Variants in XKR4 observed in about 807,000 individuals in gnomAD.
XKR4 encodes the protein XK related 4.
XKR4 carries 12 observed loss-of-function variants against 53.9 expected under a neutral mutation model. The ratio of observed to expected loss-of-function variants is 0.22; its 90% CI spans 0.14 to 0.36. The LOEUF is 0.36. XKR4 is among the 10% of genes least tolerant of loss of function. XKR4 has a pLI of 1.00. For missense variants in XKR4, 799 were observed against 859.5 expected (o/e 0.93, Z 0.88); for synonymous variants, 354 against 362.4 (o/e 0.98, Z 0.26).
rs567187928 is a variant in XKR4 at position 55,458,671 on chromosome 8, C to T, written c.1007-64610C>T. On this transcript the variant is annotated intron_variant, in intron 2 of 2. Transcript: ENST00000327381. ...GAGTGGGAAAGTGGTCTTCCCCTGG[C>T]GTTCAGCCGGGAATGTCCCCAGACA... Among the ~76,000 whole-genome samples, 9 of 152,276 alleles carry T rather than the reference C, an allele frequency of 5.9e-5. No homozygotes were observed. The South Asian group carries it at 1.0e-3, about 18-fold the overall frequency.
At chr8:55,421,834 A>C (rs1804938635) in intron 2 of XKR4, among the ~76,000 whole-genome samples, 1 of 152,212 alleles carries the variant, frequency 6.6e-6, no homozygotes, top group African/African-American at 2.4e-5. Context: ...TGGAAGAAAG[A>C]ATGAGACACT....
intron 2 of XKR4, among the ~76,000 whole-genome samples, chr8:55,378,299 T>C (rs1804179154): frequency 6.6e-6 from 1 of 152,196 alleles, no homozygotes; most frequent in Admixed American, 6.5e-5. Flanking sequence ...AGCAGTGTCA[T>C]CTCAGAGCCA....
intron 1 of XKR4, among the ~76,000 whole-genome samples, chr8:55,283,317 T>C (rs969903122): frequency 2.0e-5 from 3 of 152,202 alleles, no homozygotes; most frequent in Admixed American, 1.3e-4. Context: ...TATGGAATAG[T>C]GGACATAGAC....
intron 2 of XKR4, among the ~76,000 whole-genome samples, chr8:55,407,503 C>T (rs796755210): frequency 2.0e-5 from 3 of 152,362 alleles, no homozygotes; most frequent in African/African-American, 7.2e-5. Flanking sequence ...CTGTCTGTTG[C>T]ACATTCACGG....
At chr8:55,479,848 A>G (rs148030201) in intron 2 of XKR4, among the ~76,000 whole-genome samples, 52,358 of 151,916 alleles carry the variant, frequency 0.34, 10,944 homozygotes, top group African/African-American at 0.6. Context: ...GACTAAACCA[A>G]GAAGAAGTTG....
At chr8:55,451,873 A>T (rs1805453711) in intron 2 of XKR4, 1 of 857,742 alleles carries the variant, frequency 1.2e-6, no homozygotes, top group East Asian at 2.5e-5. Context: ...GGACGGGGTC[A>T]GTGTGCTGGG....
chr8:55,208,710 C>T (rs767359463), intron 1 of XKR4, among the ~76,000 whole-genome samples: 5 of 152,158 alleles, frequency 3.3e-5, no homozygotes, highest in Non-Finnish European at 5.9e-5. Flanking sequence ...TGTGATCTGC[C>T]TGCCTCAGCC....
At position 55,213,856 on chromosome 8, in the gene XKR4, C is replaced by CTTTTTTT. The variant is rs11433893; in HGVS notation, c.806+110583_806+110589dup. ...TTAATACTTCTTTTTTTCTTTCTTT[C>CTTTTTTT]TTTTTTTTTTTTTTTTTTTTTTTTT... is the stretch of plus-strand genomic sequence containing the variant. On this transcript the variant is annotated intron_variant, in intron 1 of 2. Coordinates refer to ENST00000327381, the MANE Select transcript of XKR4 (RefSeq NM_052898.2). Among the ~76,000 whole-genome samples the CTTTTTTT allele has an allele frequency of 3.0e-3, 245 of 82,334 alleles. 3 individuals are homozygous for CTTTTTTT. Among genetic ancestry groups the CTTTTTTT allele is most frequent in the Middle Eastern group, 0.011 (1 of 92 alleles). The allele number at this position is 82,334 out of a possible 152,430, so 54.0% of individuals were successfully genotyped here. A position where few individuals can be genotyped will look rare whatever the true frequency, so the allele number is the denominator to read the frequency against.
At chr8:55,267,986 A>C (rs775153906) in intron 1 of XKR4, among the ~76,000 whole-genome samples, 1 of 152,184 alleles carries the variant, frequency 6.6e-6, no homozygotes, top group African/African-American at 2.4e-5. Context: ...AGTTCTGGCT[A>C]AGGGATAAAA....
chr8:55,184,271 G>A (rs1003524198), intron 1 of XKR4, among the ~76,000 whole-genome samples: 4 of 152,134 alleles, frequency 2.6e-5, no homozygotes, highest in African/African-American at 7.2e-5. Flanking sequence ...ATTAAGAAAA[G>A]TTGTTAATAT....
At chr8:55,362,170 C>A (rs908806905) in intron 2 of XKR4, among the ~76,000 whole-genome samples, 1 of 152,042 alleles carries the variant, frequency 6.6e-6, no homozygotes, top group Non-Finnish European at 1.5e-5. Flanking sequence ...AGAAATCTAC[C>A]AGGGAATCTT....
In XKR4 at chr8:55,539,672, G is replaced by T. The variant is rs866449374; in HGVS notation, c.*15445G>T. 1 of 152,094 alleles carries T rather than the reference G, an allele frequency of 6.6e-6. No individual in the cohort carries two copies. The allele number at this position is 152,094 out of a possible 1,614,324, so 9.4% of individuals were successfully genotyped here. On this transcript the variant is annotated 3_prime_UTR_variant, in exon 3 of 3. Coordinates refer to ENST00000327381, the MANE Select transcript of XKR4 (RefSeq NM_052898.2). ...ATAGTAAGTGAGTCAAAAAATAATTGGGACTGTCCTTTTTCCCCTGCCCAC... is the reference window on the plus strand; with the variant it reads ...ATAGTAAGTGAGTCAAAAAATAATTTGGACTGTCCTTTTTCCCCTGCCCAC...
At chr8:55,158,224 G>A (rs1816935541) in intron 1 of XKR4, among the ~76,000 whole-genome samples, 1 of 152,082 alleles carries the variant, frequency 6.6e-6, no homozygotes, top group South Asian at 2.1e-4. Context: ...GGTATCCCAT[G>A]GTGGTTTTGA....
In XKR4 at chr8:55,524,479, C is replaced by G. The variant is rs1209474860; in HGVS notation, c.*252C>G. 1 of 527,912 alleles carries G rather than the reference C, an allele frequency of 1.9e-6. No individual in the cohort carries two copies. The highest frequency in any genetic ancestry group is 1.9e-5 in the African/African-American group (1 of 52,784). 32.7% of individuals were successfully genotyped at this position (527,912 alleles called of 1,614,324 possible). A position where few individuals can be genotyped will look rare whatever the true frequency, so the allele number is the denominator to read the frequency against. ...TAGGACTCTCCATTGCTACCAAACT[C>G]CTCCTGCACGGTCTTGGGTGCACCC... On this transcript the variant is annotated 3_prime_UTR_variant, in exon 3 of 3. Coordinates refer to ENST00000327381, the MANE Select transcript of XKR4 (RefSeq NM_052898.2).
intron 1 of XKR4, among the ~76,000 whole-genome samples, chr8:55,310,653 T>C (rs986904701): frequency 6.6e-6 from 1 of 152,190 alleles, no homozygotes; most frequent in African/African-American, 2.4e-5. Context: ...AGTCACACTC[T>C]CTCTGAGCCT....
chr8:55,221,496 C>T (rs1279739550), intron 1 of XKR4, among the ~76,000 whole-genome samples: 1 of 152,154 alleles, frequency 6.6e-6, no homozygotes, highest in Non-Finnish European at 1.5e-5. Flanking sequence ...CCCTGGTTTG[C>T]ACCCTGATGT....
chr8:55,287,947 C>T (rs1452957108), intron 1 of XKR4, among the ~76,000 whole-genome samples: 1 of 152,200 alleles, frequency 6.6e-6, no homozygotes, highest in Non-Finnish European at 1.5e-5. Context: ...ATATCCCCAT[C>T]TTCCTTTCCT....
intron 2 of XKR4, among the ~76,000 whole-genome samples, chr8:55,489,618 G>A (rs1806243294): frequency 6.6e-6 from 1 of 151,348 alleles, no homozygotes; most frequent in South Asian, 2.1e-4. Flanking sequence ...GGATTATTAT[G>A]ATGCATCAAA....
intron 1 of XKR4, among the ~76,000 whole-genome samples, chr8:55,293,902 T>A (rs1819064599): frequency 6.6e-6 from 1 of 152,232 alleles, no homozygotes; most frequent in Non-Finnish European, 1.5e-5. Context: ...TTGATTTATT[T>A]ATATCTGCAT....
Sources: gnomAD v4.1 joint callset for allele counts (sites outside exome capture counted in the v4.1 genomes callset) on GRCh38, gnomAD v4.1.1 for gene constraint, MANE v1.5 for transcripts, NCBI Gene and HGNC (gene_info 2026-07-23, HGNC 2026-07-21) for gene names.